Variants in CACNA1D observed in about 807,000 individuals in gnomAD.
CACNA1D encodes calcium voltage-gated channel subunit alpha1 D.
CACNA1D carries 55 observed loss-of-function variants against 257.1 expected under a neutral mutation model. That is an observed-to-expected ratio of 0.21 (90% CI 0.17 to 0.27). The LOEUF (loss-of-function observed/expected upper bound fraction) is 0.27, where lower values mean the gene tolerates loss of function less well. Ranked by LOEUF, CACNA1D falls within the 10% of genes least tolerant of loss-of-function variation. The pLI is 1.00. For synonymous variants in CACNA1D, 980 were observed against 1,014.9 expected (o/e 0.97, Z 0.65); for missense variants, 1,876 against 2,784.0 (o/e 0.67, Z 7.34).
intron 3 of CACNA1D, among the ~76,000 whole-genome samples, chr3:53,505,426 C>T (rs1156961871): frequency 6.6e-6 from 1 of 152,148 alleles, no homozygotes; most frequent in Non-Finnish European, 1.5e-5. Flanking sequence ...ACATCTTTAT[C>T]CTCTGGAGCG....
intron 34 of CACNA1D, among the ~76,000 whole-genome samples, chr3:53,775,141 T>C (rs1371917350): frequency 6.6e-6 from 1 of 152,250 alleles, no homozygotes; most frequent in African/African-American, 2.4e-5. Context: ...GCTGCCCTCA[T>C]AGTGAGAAAA....
intron 3 of CACNA1D, among the ~76,000 whole-genome samples, chr3:53,531,485 G>A (rs1439175943): frequency 1.3e-5 from 2 of 152,162 alleles, no homozygotes; most frequent in African/African-American, 4.8e-5. Flanking sequence ...GCAACAACCA[G>A]AACATTTAGG....
At chr3:53,633,451 AAAAAAC>A (rs3082753) in intron 3 of CACNA1D, among the ~76,000 whole-genome samples, 4 of 151,188 alleles carry the variant, frequency 2.6e-5, no homozygotes, top group Non-Finnish European at 4.4e-5. Flanking sequence ...ACTCTGTCTT[AAAAAAC>A]AAAAACAAAA....
chr3:53,806,853 G>A (rs1210304871), intron 45 of CACNA1D, among the ~76,000 whole-genome samples: 1 of 152,202 alleles, frequency 6.6e-6, no homozygotes, highest in East Asian at 1.9e-4. Flanking sequence ...AGCAGATGCA[G>A]GTGAGGCCGG....
At chr3:53,744,604 A>G (rs781087244) in intron 22 of CACNA1D, 136 bp from the exon 23 acceptor site, 1 of 741,396 alleles carries the variant, frequency 1.3e-6, no homozygotes, top group Non-Finnish European at 2.5e-6. Context: ...GTGAAGAGAG[A>G]TCAGCTCAGC....
intron 3 of CACNA1D, among the ~76,000 whole-genome samples, chr3:53,505,111 A>ATT (rs2090772744): frequency 1.3e-5 from 1 of 77,856 alleles, no homozygotes; most frequent in African/African-American, 5.1e-5. Context: ...TTATTTGTTT[A>ATT]TTTGTTTTTT....
Position 53,789,541 on chromosome 3 carries a change from C to A in CACNA1D, c.4923+2589C>A, listed in dbSNP as rs2095473380. On this transcript the variant is annotated intron_variant, in intron 40 of 47. Transcript: ENST00000350061. This position sits in a 1 kb window ranked among gnomAD's most constrained non-coding sequence, Gnocchi z 4.2. ...GTGGGACGGCAGTGGGAGAGATATA[C>A]CACCAGTGTAACTAGGACAAGGACA... 6.6e-6 allele frequency among the ~76,000 whole-genome samples: 1 copy of A among 152,206 alleles called. No homozygotes were observed. Among genetic ancestry groups the A allele is most frequent in the Non-Finnish European group, 1.5e-5 (1 of 68,032 alleles).
At chr3:53,698,645 A>G (rs2094593619) in intron 8 of CACNA1D, among the ~76,000 whole-genome samples, 2 of 152,208 alleles carry the variant, frequency 1.3e-5, no homozygotes, top group Non-Finnish European at 1.5e-5. Flanking sequence ...AGTCAAAACT[A>G]TAGAAAAAGG....
chr3:53,698,124 CTT>C (rs557074210), intron 8 of CACNA1D, among the ~76,000 whole-genome samples: 1 of 152,324 alleles, frequency 6.6e-6, no homozygotes, highest in Admixed American at 6.5e-5. Flanking sequence ...ATATCAGCCT[CTT>C]TTAAAAATCA....
intron 12 of CACNA1D, 98 bp downstream of exon 12, chr3:53,722,572 T>C (rs2094893225): frequency 3.3e-6 from 4 of 1,215,388 alleles, no homozygotes; most frequent in Non-Finnish European, 4.9e-6. Context: ...TGATGAAGTA[T>C]CGCAACATTT....
intron 11 of CACNA1D, among the ~76,000 whole-genome samples, chr3:53,720,167 G>A (rs960620948): frequency 1.3e-5 from 2 of 152,124 alleles, no homozygotes; most frequent in Non-Finnish European, 2.9e-5. Context: ...TGTTCAGTTG[G>A]TAAAACTCAT....
At chr3:53,684,328 A>G (rs2094455889) in intron 8 of CACNA1D, among the ~76,000 whole-genome samples, 1 of 152,208 alleles carries the variant, frequency 6.6e-6, no homozygotes, top group Admixed American at 6.5e-5. Flanking sequence ...CCGCTTTAAA[A>G]ACGAGGAGCA....
chr3:53,529,392 G>A (rs2091873971), intron 3 of CACNA1D, among the ~76,000 whole-genome samples: 1 of 152,134 alleles, frequency 6.6e-6, no homozygotes, highest in African/African-American at 2.4e-5. Flanking sequence ...TATATTGAGG[G>A]ATTTGATTTT....
In CACNA1D at chr3:53,805,081, A is replaced by C. The variant is rs1167330533; in HGVS notation, c.5684A>C (p.Asp1895Ala). The change falls in exon 45 of 48, where the codon GAC (aspartate) becomes GCC (alanine). Residue 1895 changes from aspartate to alanine, a missense_variant. Asp to Ala is a moderately radical substitution (Grantham distance 126). This residue lies in a region of CACNA1D where 491 missense variants were observed against 554.3 expected (regional missense o/e 0.89). Coordinates refer to ENST00000350061, the MANE Select transcript of CACNA1D (RefSeq NM_001128840.3). ...CCCCAAGGATTCTTGGAGGACGATG[A>C]CTCGCCCGTTTGCTATGATTCACGG... ...HHPQGFLEDDDSPVCYDSRRS... is the reference protein window; with the variant it reads ...HHPQGFLEDDASPVCYDSRRS... 2 of 1,613,966 alleles carry C rather than the reference A, an allele frequency of 1.2e-6. No individual in the cohort carries two copies. The highest frequency in any genetic ancestry group is 1.3e-5 in the African/African-American group (1 of 74,982).
At chr3:53,702,957 G>A (rs1008078815) in intron 9 of CACNA1D, 147 bp downstream of exon 9, 18 of 834,072 alleles carry the variant, frequency 2.2e-5, no homozygotes, top group South Asian at 1.0e-4. Context: ...CACACATCAC[G>A]GAGAGAACAG....
chr3:53,747,787 AT>A (rs2095185674), intron 26 of CACNA1D, among the ~76,000 whole-genome samples: 1 of 142,386 alleles, frequency 7.0e-6, no homozygotes, highest in Admixed American at 6.9e-5. Context: ...CAAACCATTC[AT>A]TCATTCATTC....
At chr3:53,687,825 C>G (rs965986355) in intron 8 of CACNA1D, among the ~76,000 whole-genome samples, 1 of 151,872 alleles carries the variant, frequency 6.6e-6, no homozygotes, top group African/African-American at 2.4e-5. Flanking sequence ...ATATGAGTAG[C>G]CAGTAAGTAC....
chr3:53,636,122 C>T (rs1365324116), intron 3 of CACNA1D, among the ~76,000 whole-genome samples: 1 of 152,034 alleles, frequency 6.6e-6, no homozygotes, highest in African/African-American at 2.4e-5. Context: ...AGAGTGTATA[C>T]CAGTGAGCAT....
intron 3 of CACNA1D, among the ~76,000 whole-genome samples, chr3:53,559,856 C>G (rs1338822433): frequency 6.6e-6 from 1 of 152,074 alleles, no homozygotes; most frequent in Non-Finnish European, 1.5e-5. Flanking sequence ...GCTTGAAGGT[C>G]AGGGAGAAAA....
Sources: allele counts gnomAD v4.1 joint callset (sites outside exome capture counted in the v4.1 genomes callset), GRCh38; gene constraint gnomAD v4.1.1; regional missense constraint gnomAD v4.1.1; non-coding constraint Gnocchi (gnomAD v3.1); transcripts MANE v1.5; gene names NCBI Gene and HGNC (gene_info 2026-07-23, HGNC 2026-07-21).